The following NBEAL2 variants were observed in gnomAD, a reference collection of about 807,000 sequenced individuals.
NBEAL2 encodes the protein neurobeachin-like protein 2.
Under a neutral mutation model 299.8 loss-of-function variants are expected in NBEAL2, and 160 were observed. That is an observed-to-expected ratio of 0.53 (90% CI 0.47 to 0.61). The LOEUF is 0.61. Among genes scored for constraint, NBEAL2 ranks in the 20% least tolerant of loss-of-function variants. NBEAL2 has a pLI of 0.00. For missense variants in NBEAL2, 3,112 were observed against 3,649.0 expected, an observed-to-expected ratio of 0.85 and a Z score of 3.79; for synonymous variants, 1,493 against 1,542.3, an observed-to-expected ratio of 0.97 and a Z score of 0.75.
At chr3:46,996,108 T>C in intron 15 of NBEAL2, 57 bp downstream of exon 15, 1 of 1,558,686 alleles carries the variant, frequency 6.4e-7, no homozygotes, top group Non-Finnish European at 8.7e-7. Context: ...TGGAACACAG[T>C]GGGCAGGTGT....
chr3:46,987,932 C>A (rs1047598986), intron 1 of NBEAL2: 5 of 1,199,158 alleles, frequency 4.2e-6, no homozygotes, highest in East Asian at 6.0e-5. Flanking sequence ...CCCCCTCCCC[C>A]ACCGTGACTC....
chr3:46,981,166 C>T (rs1181419630), intron 1 of NBEAL2, among the ~76,000 whole-genome samples: 1 of 152,178 alleles, frequency 6.6e-6, no homozygotes, highest in Non-Finnish European at 1.5e-5. Flanking sequence ...CAGCCCTGGC[C>T]GGGCACGGTG....
Position 47,002,142 on chromosome 3 carries a change from C to G in NBEAL2, c.5005C>G (p.Arg1669Gly), listed in dbSNP as rs1160791436. The part of the protein sequence containing the change: ...ERCSWLVPLV[R>G]TLLDRAYEPL... ...CTGCTCCTGGCTGGTGCCACTGGTG[C>G]GCACGCTGCTAGACCGTGCCTATGA... The change falls in exon 31 of 54, where the codon CGC (arginine) becomes GGC (glycine). Residue 1669 changes from arginine (R) to glycine (G), a missense_variant. Coordinates refer to ENST00000450053, the MANE Select transcript of NBEAL2 (RefSeq NM_015175.3). 1.3e-6 allele frequency: 2 copies of G among 1,550,312 alleles called. No individual in the cohort carries two copies. The highest frequency in any genetic ancestry group is 1.7e-6 in the Non-Finnish European group (2 of 1,146,852).
Position 47,002,939 on chromosome 3 carries a change from C to G in NBEAL2, c.5460-18C>G, listed in dbSNP as rs1252172091. ...CTACAGCCTTCTACCGACCCATGAC[C>G]TGGGGGACATTCTGCAGGGACACTC... On this transcript the variant is annotated intron_variant, in intron 33 of 53. Transcript: ENST00000450053. 3.7e-6 allele frequency: 6 copies of G among 1,611,858 alleles called. No homozygotes were observed. In the East Asian group the frequency reaches 1.1e-4, roughly 30 times the overall value.
At position 46,995,071 on chromosome 3, in the gene NBEAL2, A is replaced by T; in HGVS notation, c.1336A>T (p.Ile446Phe). 1 of 1,558,678 alleles carries T rather than the reference A, an allele frequency of 6.4e-7. No homozygotes were observed. Among genetic ancestry groups the T allele is most frequent in the Admixed American group, 1.9e-5 (1 of 53,846 alleles). ...GDHSMCPPPP[I>F]RNEQPVLVLA... ...CCACAGCATGTGCCCACCTCCACCA[A>T]TCCGCAACGAGCAGCCGGTACTGGT... Residue 446 changes from isoleucine to phenylalanine, a missense_variant, in exon 13 of 54, where the codon ATC (isoleucine) becomes TTC (phenylalanine). Ile to Phe is a conservative substitution (Grantham distance 21, BLOSUM62 0). Transcript: ENST00000450053.
At chr3:46,987,987 T>TC in intron 1 of NBEAL2, 1 of 1,276,140 alleles carries the variant, frequency 7.8e-7, no homozygotes, top group Non-Finnish European at 1.0e-6. Flanking sequence ...ACATTTCCCG[T>TC]TCACACCAAA....
rs774752980 is a variant in NBEAL2, at chr3:46,991,613, C to G, written c.850C>G (p.Leu284Val). The change falls in exon 8 of 54, where the codon CTT becomes GTT. Residue 284 changes from leucine to valine, a missense_variant. Physicochemically the swap from Leu to Val is conservative, Grantham distance 32. This residue lies in a region of NBEAL2 where 2,243 missense variants were observed against 2,538.1 expected (regional missense o/e 0.88). Transcript: ENST00000450053. This position sits in a 1 kb window ranked among gnomAD's most constrained non-coding sequence, Gnocchi z 6.2. ...RALLESYFHVLNADWPAGLSS... is the reference protein window; with the variant it reads ...RALLESYFHVVNADWPAGLSS... ...CCTGCTTGAGAGCTACTTCCATGTC[C>G]TTAATGCTGACTGGCCAGCTGGTCT... The G allele has an allele frequency of 6.2e-7, 1 of 1,600,302 alleles. No individual in the cohort carries two copies. The highest frequency in any genetic ancestry group is 8.5e-7 in the Non-Finnish European group (1 of 1,179,820).
rs1187195633 is a variant in NBEAL2, at chr3:46,982,121, C to G, written c.51+2209C>G. 6.6e-6 allele frequency: 1 copy of G among 152,286 alleles called. No homozygotes were observed. The highest frequency in any genetic ancestry group is 1.5e-5 in the Non-Finnish European group (1 of 68,102). The allele number at this position is 152,286 out of a possible 1,614,324, so 9.4% of individuals were successfully genotyped here. ...CAGCTCGCCTTCCTGCCCGCCTGCTCCTGACCCTGATCCTGGAACCCCCAA... is the reference window on the plus strand; with the variant it reads ...CAGCTCGCCTTCCTGCCCGCCTGCTGCTGACCCTGATCCTGGAACCCCCAA... On this transcript the variant is annotated intron_variant, in intron 1 of 53. Coordinates refer to ENST00000450053, the MANE Select transcript of NBEAL2 (RefSeq NM_015175.3). The surrounding 1 kb of genome is among the most constrained non-coding windows in gnomAD (Gnocchi z 4.2).
chr3:46,988,032 A>C lies in NBEAL2; in HGVS notation c.52-637A>C, dbSNP rs2035798881. ...GCAGCGCCTAGACCTGGGCTTAGCC[A>C]CTGCCCCTCTTGCCCATGGAACCAG... On this transcript the variant is annotated intron_variant, in intron 1 of 53. Transcript: ENST00000450053. This position sits in a 1 kb window ranked among gnomAD's most constrained non-coding sequence, Gnocchi z 4.4. 1.6e-6 allele frequency: 2 copies of C among 1,277,844 alleles called. No homozygotes were observed. Among genetic ancestry groups the C allele is most frequent in the Admixed American group, 4.8e-5 (2 of 41,992 alleles). The allele number at this position is 1,277,844 out of a possible 1,614,324, so 79.2% of individuals were successfully genotyped here.
Position 47,005,013 on chromosome 3 carries a change from C to A in NBEAL2, c.6336C>A (p.Asp2112Glu). ...VLQDYVSPTL[D>E]LSNPAVFRDL... ...AGGACTACGTGTCCCCAACCCTGGA[C>A]CTCAGCAACCCAGCCGTCTTCCGGG... The change falls in exon 39 of 54, where the codon GAC (aspartate) becomes GAA (glutamate). Residue 2112 changes from aspartate (D) to glutamate (E), a missense_variant. Asp to Glu is a conservative substitution (Grantham distance 45). Coordinates refer to ENST00000450053, the MANE Select transcript of NBEAL2 (RefSeq NM_015175.3). The A allele has an allele frequency of 1.2e-6, 2 of 1,612,214 alleles. No homozygotes were observed. The highest frequency in any genetic ancestry group is 1.1e-5 in the South Asian group (1 of 90,744).
chr3:47,008,070 G>A lies in NBEAL2; in HGVS notation c.7603G>A (p.Gly2535Ser). 6.2e-7 allele frequency: 1 copy of A among 1,613,912 alleles called. No homozygotes were observed. The change falls in exon 50 of 54, where the codon GGT becomes AGT. Residue 2535 changes from glycine to serine, a missense_variant and splice_region_variant. Physicochemically the swap from Gly to Ser is moderately conservative, Grantham distance 56. Around this residue, in one of 3 missense-constraint regions of NBEAL2, gnomAD observed 348 missense variants for 381.4 expected, o/e 0.91. Transcript: ENST00000450053. Reference sequence around the variant, plus strand: ...CTAAGCCAACCCTGGTCCTCCACAGGGTGGTCTGTCAGTAGGCCTGGCACC... The same window carrying A: ...CTAAGCCAACCCTGGTCCTCCACAGAGTGGTCTGTCAGTAGGCCTGGCACC... The part of the protein sequence containing the change: ...TCMVWRLLHQ[G>S]GLSVGLAPKP...
chr3:47,009,385 A>G lies in NBEAL2; in HGVS notation c.*65A>G, dbSNP rs538014431. The G allele has an allele frequency of 5.7e-4, 847 of 1,481,046 alleles. 7 individuals carry two copies. The South Asian group carries it at 9.9e-3, about 17-fold the overall frequency. 91.7% of individuals were successfully genotyped at this position (1,481,046 alleles called of 1,614,324 possible). ...GCCTGGCCCGGGAGGCCCCGCCCAGAAGTCGGCGGGAACACCCCGGGGTGG... is the reference window on the plus strand; with the variant it reads ...GCCTGGCCCGGGAGGCCCCGCCCAGGAGTCGGCGGGAACACCCCGGGGTGG... On this transcript the variant is annotated 3_prime_UTR_variant, in exon 54 of 54. Coordinates refer to ENST00000450053, the MANE Select transcript of NBEAL2 (RefSeq NM_015175.3).
intron 18 of NBEAL2, 82 bp from the exon 19 acceptor site, chr3:46,997,177 C>G (rs2036564137): frequency 6.3e-7 from 1 of 1,579,114 alleles, no homozygotes; most frequent in Non-Finnish European, 8.6e-7. Flanking sequence ...AGCAAAACTT[C>G]CTTTCTGGGT....
chr3:46,997,578 A>T lies in NBEAL2; in HGVS notation c.2842A>T (p.Asn948Tyr). 1 of 1,598,892 alleles carries T rather than the reference A, an allele frequency of 6.3e-7. No individual in the cohort carries two copies. Among genetic ancestry groups the T allele is most frequent in the Admixed American group, 1.7e-5 (1 of 59,410 alleles). ...GCTGGCAGAGGAACGGATGGAGAGG[A>T]ACGCAGTGGCTGCTTTTCTGCTGAT... ...GKSSEERMER[N>Y]AVAAFLLMLR... The change falls in exon 20 of 54, where the codon AAC (asparagine) becomes TAC (tyrosine). Residue 948 changes from asparagine to tyrosine, a missense_variant. Asn to Tyr is a moderately radical substitution (Grantham distance 143, BLOSUM62 -2). Transcript: ENST00000450053.
chr3:47,007,520 G>T lies in NBEAL2; in HGVS notation c.7335-5G>T. 2.5e-6 allele frequency: 4 copies of T among 1,609,778 alleles called. No individual in the cohort carries two copies. The highest frequency in any genetic ancestry group is 3.4e-6 in the Non-Finnish European group (4 of 1,178,448). On this transcript the variant is annotated splice_polypyrimidine_tract_variant and splice_region_variant and intron_variant, in intron 47 of 53. Coordinates refer to ENST00000450053, the MANE Select transcript of NBEAL2 (RefSeq NM_015175.3). ...CCTCACTTGCTATCCCCCTCACTGG[G>T]TCAGGACGCAGCGACTGCTGAGTGG...
Position 47,000,508 on chromosome 3 carries a change from C to A in NBEAL2, c.4305+104C>A. On this transcript the variant is annotated intron_variant, in intron 27 of 53. Transcript: ENST00000450053. The surrounding 1 kb of genome is among the most constrained non-coding windows in gnomAD (Gnocchi z 4.5). ...TCTCCAAAGGTGTGGCCCTGTCTGACCAGGGTTGCAGCCACTGGTCAGGCC... is the reference window on the plus strand; with the variant it reads ...TCTCCAAAGGTGTGGCCCTGTCTGAACAGGGTTGCAGCCACTGGTCAGGCC... 7.0e-7 allele frequency: 1 copy of A among 1,436,872 alleles called. No individual in the cohort carries two copies. Among genetic ancestry groups the A allele is most frequent in the Non-Finnish European group, 9.4e-7 (1 of 1,068,124 alleles). 89.0% of individuals were successfully genotyped at this position (1,436,872 alleles called of 1,614,324 possible).
Position 46,996,331 on chromosome 3 carries a change from C to T in NBEAL2, c.2212C>T (p.Leu738=). 1 of 1,611,798 alleles carries T rather than the reference C, an allele frequency of 6.2e-7. No individual in the cohort carries two copies. Among genetic ancestry groups the T allele is most frequent in the Non-Finnish European group, 8.5e-7 (1 of 1,179,860 alleles). The change falls in exon 16 of 54, where the codon CTG becomes TTG. Residue 738 remains leucine (L), a synonymous_variant. Transcript: ENST00000450053. The part of the protein sequence containing the change: ...GYRTTTTTTG[L]PTPPVPATLA... ...CCGCACAACGACCACCACCACAGGG[C>T]TGCCCACACCACCAGTCCCCGCCAC...
chr3:46,985,688 T>C (rs2035630115), intron 1 of NBEAL2, among the ~76,000 whole-genome samples: 1 of 152,184 alleles, frequency 6.6e-6, no homozygotes, highest in Admixed American at 6.5e-5. Flanking sequence ...GACCTGGGCA[T>C]CACTTACCTA....
At position 47,003,285 on chromosome 3, in the gene NBEAL2, A is replaced by G. The variant is rs1256864896; in HGVS notation, c.5696A>G (p.Asp1899Gly). The G allele has an allele frequency of 1.9e-6, 3 of 1,612,750 alleles. No individual in the cohort carries two copies. The African/African-American group carries it at 4.0e-5, about 22-fold the overall frequency. The change falls in exon 35 of 54, where the codon GAC becomes GGC. Residue 1899 changes from aspartate to glycine, a missense_variant. Asp to Gly is a moderately conservative substitution (Grantham distance 94, BLOSUM62 -1). Transcript: ENST00000450053. This position sits in a 1 kb window ranked among gnomAD's most constrained non-coding sequence, Gnocchi z 7.0. Reference sequence around the variant, plus strand: ...CTGCAGGAGGACCAGCTCGGCGAGGACGAGCTGGCTGAGCTGGAGACCCCG... The same window carrying G: ...CTGCAGGAGGACCAGCTCGGCGAGGGCGAGCTGGCTGAGCTGGAGACCCCG... ...ELLQEDQLGEDELAELETPME... is the reference protein window; with the variant it reads ...ELLQEDQLGEGELAELETPME...
Sources: allele counts gnomAD v4.1 joint callset (sites outside exome capture counted in the v4.1 genomes callset), GRCh38; gene constraint gnomAD v4.1.1; regional missense constraint gnomAD v4.1.1; non-coding constraint Gnocchi (gnomAD v3.1); transcripts MANE v1.5; gene names NCBI Gene and HGNC (gene_info 2026-07-23, HGNC 2026-07-21).